Variants in HYAL4 observed in about 807,000 individuals in gnomAD.
HYAL4 encodes the protein hyaluronidase-4.
A neutral mutation model predicts 35.2 loss-of-function variants in HYAL4; 37 were observed. The observed-to-expected ratio is 1.05, with a 90% CI of 0.81 to 1.38. The LOEUF (loss-of-function observed/expected upper bound fraction) is 1.38. Ranked by LOEUF, HYAL4 falls within the 40% of genes most tolerant of loss-of-function variation. The pLI, the probability that HYAL4 is intolerant of heterozygous loss-of-function variation, is 0.00. For synonymous variants in HYAL4, 198 were observed against 203.2 expected (o/e 0.97, Z 0.22); for missense variants, 572 against 572.4 (o/e 1.00, Z 0.01).
At chr7:123,797,772 C>T in the HYAL4 span, among the ~76,000 whole-genome samples, 1 of 152,062 alleles carries the variant, frequency 6.6e-6, no homozygotes, top group South Asian at 2.1e-4. Flanking sequence ...TGCTTTAACT[C>T]GCCTGGAATT....
chr7:123,870,859 G>A (rs928434637), intron 3 of HYAL4, among the ~76,000 whole-genome samples: 1 of 151,774 alleles, frequency 6.6e-6, no homozygotes, highest in Non-Finnish European at 1.5e-5. Context: ...TTTGTAAGAC[G>A]TCTTTTCTAT....
At chr7:123,862,791 A>G (rs926050960) in intron 2 of HYAL4, among the ~76,000 whole-genome samples, 1 of 152,208 alleles carries the variant, frequency 6.6e-6, no homozygotes, top group African/African-American at 2.4e-5. Flanking sequence ...GCTTGCCTCA[A>G]CACAGCAGCC....
chr7:123,816,879 T>A, the HYAL4 span, among the ~76,000 whole-genome samples: 1 of 152,216 alleles, frequency 6.6e-6, no homozygotes, highest in Admixed American at 6.5e-5. Context: ...CTGTTTGGTA[T>A]TTGCTTTCAG....
chr7:123,784,413 C>T, the HYAL4 span, among the ~76,000 whole-genome samples: 1 of 152,158 alleles, frequency 6.6e-6, no homozygotes, highest in Non-Finnish European at 1.5e-5. Context: ...CTCACACTGA[C>T]CTCACTTAAT....
chr7:123,795,582 C>A, the HYAL4 span, among the ~76,000 whole-genome samples: 4 of 152,104 alleles, frequency 2.6e-5, no homozygotes, highest in Admixed American at 6.5e-5. Flanking sequence ...GGCTTTCCCC[C>A]CTTTTGATCA....
intron 2 of HYAL4, among the ~76,000 whole-genome samples, chr7:123,859,481 T>C (rs2116942658): frequency 6.6e-6 from 1 of 152,294 alleles, no homozygotes; most frequent in East Asian, 1.9e-4. Flanking sequence ...CCATAGATAG[T>C]AACCAATCAA....
chr7:123,859,178 GAATA>G (rs879352187), intron 2 of HYAL4, among the ~76,000 whole-genome samples: 3 of 152,070 alleles, frequency 2.0e-5, no homozygotes, highest in African/African-American at 7.2e-5. Flanking sequence ...AAATTAGGCT[GAATA>G]AATCACCAAA....
chr7:123,795,489 T>G, the HYAL4 span, among the ~76,000 whole-genome samples: 12 of 152,150 alleles, frequency 7.9e-5, no homozygotes, highest in South Asian at 1.4e-3. Flanking sequence ...AGGGTTCCGA[T>G]GGGAGGTAAT....
At chr7:123,817,860 T>G in the HYAL4 span, among the ~76,000 whole-genome samples, 1 of 151,882 alleles carries the variant, frequency 6.6e-6, no homozygotes, top group Non-Finnish European at 1.5e-5. Context: ...TTTCCAGCAC[T>G]AAATATTTAA....
intron 2 of HYAL4, among the ~76,000 whole-genome samples, chr7:123,859,484 C>G (rs1319129258): frequency 6.6e-6 from 1 of 152,102 alleles, no homozygotes; most frequent in South Asian, 2.1e-4. Context: ...TAGATAGTAA[C>G]CAATCAATAA....
the HYAL4 span, among the ~76,000 whole-genome samples, chr7:123,778,881 C>T: frequency 1.3e-5 from 2 of 152,158 alleles, no homozygotes; most frequent in Non-Finnish European, 2.9e-5. Flanking sequence ...TACACTTCCT[C>T]ATACTCTTTA....
At chr7:123,808,169 A>G in the HYAL4 span, among the ~76,000 whole-genome samples, 1 of 151,998 alleles carries the variant, frequency 6.6e-6, no homozygotes, top group African/African-American at 2.4e-5. Context: ...AAAAGGCTTT[A>G]TGGTATATAT....
At chr7:123,805,271 C>T in the HYAL4 span, among the ~76,000 whole-genome samples, 1 of 152,102 alleles carries the variant, frequency 6.6e-6, no homozygotes, top group Non-Finnish European at 1.5e-5. Flanking sequence ...TCTGTTCAAC[C>T]CTCCTATTAT....
At chr7:123,798,073 T>G in the HYAL4 span, among the ~76,000 whole-genome samples, 2 of 152,208 alleles carry the variant, frequency 1.3e-5, no homozygotes, top group Non-Finnish European at 2.9e-5. Context: ...GAAGGAAATT[T>G]TTATATTGTT....
In HYAL4 at chr7:123,874,840, C is replaced by G. The variant is rs749535436; in HGVS notation, c.1034C>G (p.Thr345Ser). The G allele has an allele frequency of 1.3e-5, 21 of 1,578,172 alleles. No individual in the cohort carries two copies. Among genetic ancestry groups the G allele is most frequent in the Admixed American group, 3.3e-5 (2 of 59,986 alleles). The change falls in exon 4 of 5, where the codon ACT (threonine) becomes AGT (serine). Residue 345 changes from threonine to serine, a missense_variant. Thr to Ser is a moderately conservative substitution (Grantham distance 58, BLOSUM62 1). Transcript: ENST00000223026. Reference protein sequence around the residue: ...GIVIWGDMNLTASKANCTKVK... With the variant: ...GIVIWGDMNLSASKANCTKVK... ...GTTATTTGGGGAGACATGAATTTAA[C>G]TGCATCCAAGGTAAGTCAGTATCTT... is the stretch of plus-strand genomic sequence containing the variant.
At chr7:123,807,892 C>A in the HYAL4 span, among the ~76,000 whole-genome samples, 1 of 146,970 alleles carries the variant, frequency 6.8e-6, no homozygotes, top group Admixed American at 6.9e-5. Flanking sequence ...CCACCACATC[C>A]AGCTAATATT....
At chr7:123,772,482 G>T in the HYAL4 span, among the ~76,000 whole-genome samples, 2 of 152,188 alleles carry the variant, frequency 1.3e-5, no homozygotes, top group African/African-American at 4.8e-5. Context: ...TGAGAGGCTT[G>T]TGCACAAATA....
intron 3 of HYAL4, among the ~76,000 whole-genome samples, 192 bp from the exon 4 acceptor site, chr7:123,874,569 A>T (rs1806961151): frequency 6.6e-6 from 1 of 151,318 alleles, no homozygotes; most frequent in Non-Finnish European, 1.5e-5. Context: ...CGCCTGGCTA[A>T]TTTTTTTTTG....
At chr7:123,795,010 C>G in the HYAL4 span, among the ~76,000 whole-genome samples, 7 of 152,232 alleles carry the variant, frequency 4.6e-5, no homozygotes, top group African/African-American at 1.7e-4. Flanking sequence ...CTAAGCTGCC[C>G]AAGGCCATGG....
Sources: allele counts gnomAD v4.1 joint callset (sites outside exome capture counted in the v4.1 genomes callset), GRCh38; gene constraint gnomAD v4.1.1; transcripts MANE v1.5; gene names NCBI Gene and HGNC (gene_info 2026-07-23, HGNC 2026-07-21).